The following SI variants were observed in gnomAD, a reference collection of about 807,000 sequenced individuals.
SI encodes the protein sucrase-isomaltase, intestinal.
Under a neutral mutation model 253.3 loss-of-function variants are expected in SI, and 235 were observed. The ratio of observed to expected loss-of-function variants is 0.93; its 90% CI spans 0.83 to 1.03. The LOEUF is 1.03. Ranked by LOEUF, SI falls within the 50% of genes least tolerant of loss-of-function variation. The pLI, the probability that SI is intolerant of heterozygous loss-of-function variation, is 0.00. For missense variants in SI, 2,442 were observed against 2,211.1 expected (o/e 1.10, Z -2.09); for synonymous variants, 819 against 712.0 (o/e 1.15, Z -2.39).
intron 20 of SI, among the ~76,000 whole-genome samples, chr3:165,038,741 A>G (rs1485246162): frequency 6.6e-6 from 1 of 151,972 alleles, no homozygotes; most frequent in Non-Finnish European, 1.5e-5. Flanking sequence ...TCTGGCAATA[A>G]GATAAATATG....
At chr3:164,979,966 G>T (rs895228044) in intron 47 of SI, among the ~76,000 whole-genome samples, 2 of 151,808 alleles carry the variant, frequency 1.3e-5, no homozygotes, top group Admixed American at 1.3e-4. Flanking sequence ...TCTCTATCAT[G>T]GAGATTATTA....
Position 164,979,218 on chromosome 3 carries a change from T to C in SI, c.*144A>G. The C allele has an allele frequency of 1.5e-6, 1 of 671,294 alleles. No individual in the cohort carries two copies. The allele number at this position is 671,294 out of a possible 1,614,324, so 41.6% of individuals were successfully genotyped here. On this transcript the variant is annotated 3_prime_UTR_variant, in exon 48 of 48. Transcript: ENST00000264382. Reference sequence around the variant, plus strand: ...ATAATAAAATTAGCATTATCATTGATGTACGCTACAAAATAACTTTTCGAT... The same window carrying C: ...ATAATAAAATTAGCATTATCATTGACGTACGCTACAAAATAACTTTTCGAT...
intron 24 of SI, 128 bp downstream of exon 24, chr3:165,032,394 G>A (rs1355155830): frequency 3.4e-6 from 2 of 594,520 alleles, no homozygotes; most frequent in Non-Finnish European, 5.8e-6. Flanking sequence ...ATGAAGGGAA[G>A]AAGGAAGCAA....
chr3:165,039,797 T>C, intron 19 of SI, 90 bp downstream of exon 19: 1 of 895,784 alleles, frequency 1.1e-6, no homozygotes. Flanking sequence ...GTCCACTGAG[T>C]AACATCTATT....
chr3:165,010,118 C>A (rs1217159451), intron 34 of SI, among the ~76,000 whole-genome samples: 2 of 151,940 alleles, frequency 1.3e-5, no homozygotes, highest in Non-Finnish European at 1.5e-5. Flanking sequence ...ACAGAAAATG[C>A]AGAGAGTAGG....
At chr3:165,006,140 C>A (rs1413685069) in intron 37 of SI, among the ~76,000 whole-genome samples, 2 of 152,126 alleles carry the variant, frequency 1.3e-5, no homozygotes, top group Non-Finnish European at 2.9e-5. Context: ...CAGAGAGTCT[C>A]GCTCTGTTGC....
intron 35 of SI, 65 bp downstream of exon 35, chr3:165,009,214 A>T: frequency 9.6e-7 from 1 of 1,039,422 alleles, no homozygotes; most frequent in Non-Finnish European, 1.5e-6. Flanking sequence ...TGAGCCAAGT[A>T]CTAATTTTGC....
chr3:165,025,313 A>G (rs1382447361), intron 25 of SI, among the ~76,000 whole-genome samples: 2 of 151,308 alleles, frequency 1.3e-5, no homozygotes, highest in Non-Finnish European at 3.0e-5. Flanking sequence ...AAAAAGAAGA[A>G]GACAATATGA....
chr3:165,059,567 C>T (rs1576915850), intron 10 of SI, among the ~76,000 whole-genome samples: 1 of 151,638 alleles, frequency 6.6e-6, no homozygotes, highest in Non-Finnish European at 1.5e-5. Flanking sequence ...TTTCAACATA[C>T]AAAAATCAAA....
chr3:165,086,268 T>C, the SI span, among the ~76,000 whole-genome samples: 7 of 151,636 alleles, frequency 4.6e-5, no homozygotes, highest in Admixed American at 4.6e-4. Flanking sequence ...AAAAAAGAAA[T>C]CCTAATTGAG....
intron 45 of SI, among the ~76,000 whole-genome samples, chr3:164,983,754 T>G (rs1410595184): frequency 1.3e-5 from 2 of 151,856 alleles, no homozygotes; most frequent in African/African-American, 4.8e-5. Flanking sequence ...CATGCCTGGC[T>G]TTTTTATTTT....
At chr3:165,030,590 C>T (rs141718436) in intron 25 of SI, 122 bp downstream of exon 25, 17 of 1,035,938 alleles carry the variant, frequency 1.6e-5, no homozygotes, top group African/African-American at 1.6e-4. Context: ...CTTCAAATTC[C>T]AAATGATTAT....
At chr3:164,986,445 A>G (rs531144797) in intron 45 of SI, among the ~76,000 whole-genome samples, 13 of 152,320 alleles carry the variant, frequency 8.5e-5, no homozygotes, top group African/African-American at 2.9e-4. Flanking sequence ...AAGAAATGCT[A>G]CAATTAATAA....
chr3:165,056,832 C>A (rs796299351), intron 12 of SI, among the ~76,000 whole-genome samples: 23 of 152,158 alleles, frequency 1.5e-4, no homozygotes, highest in African/African-American at 5.3e-4. Context: ...AAACCCAAGT[C>A]CCTTAGAATA....
At chr3:164,998,948 A>G (rs73018890) in intron 37 of SI, among the ~76,000 whole-genome samples, 5,362 of 151,926 alleles carry the variant, frequency 0.035, 312 homozygotes, top group African/African-American at 0.12. Flanking sequence ...TAAATCAACT[A>G]TTAATTGAAT....
In SI at chr3:165,055,289, C is replaced by G. The variant is rs1207321279; in HGVS notation, c.1417G>C (p.Val473Leu). The change falls in exon 13 of 48, where the codon GTA (valine) becomes CTA (leucine). Residue 473 changes from valine to leucine, a missense_variant. Physicochemically the swap from Val to Leu is conservative, Grantham distance 32. Coordinates refer to ENST00000264382, the MANE Select transcript of SI (RefSeq NM_001041.4). Reference sequence around the variant, plus strand: ...TTTGGGTTAGTGAAATCAGGGTATACTGTTAATCCTGGCCATACCTAGAAG... The same window carrying G: ...TTTGGGTTAGTGAAATCAGGGTATAGTGTTAATCCTGGCCATACCTAGAAG... ...IIGEVWPGLT[V>L]YPDFTNPNCI... 6.3e-7 allele frequency: 1 copy of G among 1,594,852 alleles called. No individual in the cohort carries two copies. The highest frequency in any genetic ancestry group is 2.2e-5 in the East Asian group (1 of 44,578).
At chr3:165,055,666 G>C (rs1414386006) in intron 12 of SI, among the ~76,000 whole-genome samples, 2 of 151,746 alleles carry the variant, frequency 1.3e-5, no homozygotes, top group Non-Finnish European at 2.9e-5. Flanking sequence ...AAGCACATTA[G>C]CTTATTTCCA....
rs776649305 is a variant in SI, at chr3:165,065,451, A to G, written c.636-19T>C. ...GTCAAACCTGCACCATAAAAGAAATAAAGAAATAATCTAATATATATATAT... is the reference window on the plus strand; with the variant it reads ...GTCAAACCTGCACCATAAAAGAAATGAAGAAATAATCTAATATATATATAT... On this transcript the variant is annotated intron_variant, in intron 6 of 47. Coordinates refer to ENST00000264382, the MANE Select transcript of SI (RefSeq NM_001041.4). 5 of 965,560 alleles carry G rather than the reference A, an allele frequency of 5.2e-6. No individual in the cohort carries two copies. The highest frequency in any genetic ancestry group is 7.4e-6 in the Non-Finnish European group (5 of 677,792). 59.8% of individuals were successfully genotyped at this position (965,560 alleles called of 1,614,324 possible). A position where few individuals can be genotyped will look rare whatever the true frequency, so the allele number is the denominator to read the frequency against.
At chr3:165,012,229 C>T (rs755915250) in intron 34 of SI, among the ~76,000 whole-genome samples, 2 of 151,968 alleles carry the variant, frequency 1.3e-5, no homozygotes, top group Non-Finnish European at 2.9e-5. Flanking sequence ...GGTAGTTGCC[C>T]AGGACTGTAA....
Sources: allele counts gnomAD v4.1 joint callset (sites outside exome capture counted in the v4.1 genomes callset), GRCh38; gene constraint gnomAD v4.1.1; transcripts MANE v1.5; gene names NCBI Gene and HGNC (gene_info 2026-07-23, HGNC 2026-07-21).